MEF2A: variants seen among roughly 807,000 people sequenced by gnomAD.
MEF2A encodes myocyte enhancer factor 2A, also known as myocyte-specific enhancer factor 2A.
Under a neutral mutation model 55.8 loss-of-function variants are expected in MEF2A, and 28 were observed. That is an observed-to-expected ratio of 0.50 (90% CI 0.37 to 0.69). The LOEUF (loss-of-function observed/expected upper bound fraction) is 0.69, where lower values mean the gene tolerates loss of function less well. MEF2A is among the 30% of genes least tolerant of loss of function. The pLI, the probability that MEF2A is intolerant of heterozygous loss-of-function variation, is 0.00. For missense variants in MEF2A, 528 were observed against 626.2 expected (o/e 0.84, Z 1.67); for synonymous variants, 239 against 227.1 (o/e 1.05, Z -0.47).
intron 2 of MEF2A, among the ~76,000 whole-genome samples, chr15:99,610,322 G>A (rs1251081985): frequency 2.0e-5 from 3 of 150,744 alleles, no homozygotes; most frequent in Admixed American, 2.0e-4. Context: ...TTTATTGATT[G>A]GCAGATTTAA....
intron 4 of MEF2A, among the ~76,000 whole-genome samples, chr15:99,650,193 T>G (rs1377496554): frequency 6.6e-6 from 1 of 152,192 alleles, no homozygotes; most frequent in African/African-American, 2.4e-5. Flanking sequence ...AAAATTGGGA[T>G]GCACATTAAA....
intron 7 of MEF2A, among the ~76,000 whole-genome samples, chr15:99,680,845 C>T (rs2053108886): frequency 6.6e-6 from 1 of 152,152 alleles, no homozygotes; most frequent in Non-Finnish European, 1.5e-5. Flanking sequence ...GTTACCTCTA[C>T]AGTCATAACA....
intron 2 of MEF2A, among the ~76,000 whole-genome samples, chr15:99,611,593 C>T (rs1977313217): frequency 6.6e-6 from 1 of 152,206 alleles, no homozygotes; most frequent in Non-Finnish European, 1.5e-5. Flanking sequence ...ATGCTTCAGA[C>T]TCCTTAGAGA....
intron 1 of MEF2A, among the ~76,000 whole-genome samples, chr15:99,597,113 A>G (rs1048587731): frequency 4.6e-5 from 7 of 152,216 alleles, no homozygotes; most frequent in East Asian, 1.9e-4. Flanking sequence ...GATAACAGCA[A>G]TGTTTAGGCA....
intron 1 of MEF2A, among the ~76,000 whole-genome samples, chr15:99,580,983 T>G (rs1313732855): frequency 6.6e-6 from 1 of 152,118 alleles, no homozygotes; most frequent in Admixed American, 6.5e-5. Context: ...TGGCACTAAA[T>G]CTGTTAGGTA....
intron 10 of MEF2A, among the ~76,000 whole-genome samples, chr15:99,710,380 C>T (rs577787956): frequency 5.9e-4 from 90 of 152,234 alleles, no homozygotes; most frequent in Non-Finnish European, 1.0e-3. Context: ...GTAGCTGGGA[C>T]TACAGGCATG....
chr15:99,624,141 G>C (rs1181318533), intron 2 of MEF2A, among the ~76,000 whole-genome samples: 2 of 152,090 alleles, frequency 1.3e-5, no homozygotes, highest in Non-Finnish European at 2.9e-5. Context: ...TGGGGTTGCT[G>C]TTTTACTCTG....
Position 99,566,190 on chromosome 15 carries a change from G to A in MEF2A, c.-225+86G>A, listed in dbSNP as rs1329457238. The A allele has an allele frequency of 3.1e-5, 4 of 127,750 alleles. No individual in the cohort carries two copies. In the South Asian group the frequency reaches 1.0e-3, roughly 33 times the overall value. 7.9% of individuals were successfully genotyped at this position (127,750 alleles called of 1,614,324 possible). A position where few individuals can be genotyped will look rare whatever the true frequency, so the allele number is the denominator to read the frequency against. On this transcript the variant is annotated intron_variant, in intron 1 of 11. Coordinates refer to ENST00000557942, the MANE Select transcript of MEF2A (RefSeq NM_001319206.4). The stretch of plus-strand genomic sequence containing the variant: ...GTCTCGCTTAGGGGACCGAGTAGGG[G>A]TTGGGGTGGAGGTGCTGGGGCGGGG...
chr15:99,566,581 T>C (rs1959617321), intron 1 of MEF2A: 1 of 152,198 alleles, frequency 6.6e-6, no homozygotes, highest in Non-Finnish European at 1.5e-5. Flanking sequence ...GAAGGAGTTC[T>C]CGGGAGACCC....
chr15:99,566,064 G>C lies in MEF2A; in HGVS notation c.-265G>C, dbSNP rs1959188159. On this transcript the variant is annotated 5_prime_UTR_variant, in exon 1 of 12. Transcript: ENST00000557942. Reference sequence around the variant, plus strand: ...CGCGAAGCGCTGGTGGCGGGCCCGGGCTGCGGCGTGTGCGCGCCCGCCAGC... The same window carrying C: ...CGCGAAGCGCTGGTGGCGGGCCCGGCCTGCGGCGTGTGCGCGCCCGCCAGC... 1 of 152,296 alleles carries C rather than the reference G, an allele frequency of 6.6e-6. No homozygotes were observed. The highest frequency in any genetic ancestry group is 1.5e-5 in the Non-Finnish European group (1 of 68,242). 9.4% of individuals were successfully genotyped at this position (152,296 alleles called of 1,614,324 possible). A position where few individuals can be genotyped will look rare whatever the true frequency, so the allele number is the denominator to read the frequency against.
chr15:99,595,393 T>C (rs1394744764), intron 1 of MEF2A, among the ~76,000 whole-genome samples: 3 of 152,134 alleles, frequency 2.0e-5, no homozygotes, highest in Non-Finnish European at 4.4e-5. Context: ...ATTAAGGACT[T>C]TTCCACCAAC....
At chr15:99,691,882 T>C (rs2055544479) in intron 8 of MEF2A, among the ~76,000 whole-genome samples, 1 of 152,164 alleles carries the variant, frequency 6.6e-6, no homozygotes, top group African/African-American at 2.4e-5. Flanking sequence ...GGCTTTAGGG[T>C]TCTAGTCTCA....
chr15:99,699,246 T>C (rs912729783), intron 8 of MEF2A, among the ~76,000 whole-genome samples: 12 of 152,236 alleles, frequency 7.9e-5, no homozygotes, highest in Non-Finnish European at 1.5e-4. Context: ...TATAAAGAAA[T>C]GCTACTCAGC....
intron 5 of MEF2A, 91 bp downstream of exon 5, chr15:99,671,545 G>A: frequency 6.2e-7 from 1 of 1,613,372 alleles, no homozygotes; most frequent in Non-Finnish European, 8.5e-7. Flanking sequence ...GAACACAGAG[G>A]GTGCGACAGC....
In MEF2A at chr15:99,674,405, C is replaced by T. The variant is rs748952164; in HGVS notation, c.403C>T (p.Pro135Ser). 30 of 1,609,356 alleles carry T rather than the reference C, an allele frequency of 1.9e-5. No homozygotes were observed. In the African/African-American group the frequency reaches 2.8e-4, roughly 15 times the overall value. ...TCTTTATTTACAGCCTGGTCTGCCA[C>T]CTCAGAACTTTTCAATGTCTGTCAC... The part of the protein sequence containing the change: ...IFKRGPPGLP[P>S]QNFSMSVTVP... Residue 135 changes from proline (P) to serine (S), a missense_variant, in exon 6 of 12, where the codon CCT becomes TCT. Around this residue, in one of 2 missense-constraint regions of MEF2A, gnomAD observed 450 missense variants for 475.3 expected, o/e 0.95. Transcript: ENST00000557942.
intron 1 of MEF2A, among the ~76,000 whole-genome samples, chr15:99,596,007 C>T (rs1400612677): frequency 1.3e-5 from 2 of 152,014 alleles, no homozygotes; most frequent in East Asian, 3.9e-4. Flanking sequence ...ACTGACTCAG[C>T]ACTAACATTC....
intron 2 of MEF2A, among the ~76,000 whole-genome samples, chr15:99,624,748 T>C (rs1447579754): frequency 6.6e-6 from 1 of 152,208 alleles, no homozygotes; most frequent in African/African-American, 2.4e-5. Flanking sequence ...AGTTTGTAGA[T>C]CCCTTTGTGC....
rs532371557 is a variant in MEF2A at position 99,606,866 on chromosome 15, A to G, written c.-143+8355A>G. On this transcript the variant is annotated intron_variant, in intron 2 of 11. Transcript: ENST00000557942. The stretch of plus-strand genomic sequence containing the variant: ...AATACATGTACATGTGTGTGGAGGG[A>G]TGTGTTAAAGAACGTTGGTAGCTGT... Among the ~76,000 whole-genome samples the G allele has an allele frequency of 4.6e-5, 7 of 152,222 alleles. No individual in the cohort carries two copies. In the South Asian group the frequency reaches 1.5e-3, roughly 32 times the overall value.
At chr15:99,638,261 AT>A (rs140954713) in intron 3 of MEF2A, among the ~76,000 whole-genome samples, 22 of 150,438 alleles carry the variant, frequency 1.5e-4, no homozygotes, top group African/African-American at 3.4e-4. Context: ...CTTAAAAAAA[AT>A]TTTTTTTTTA....
Sources: allele counts gnomAD v4.1 joint callset (sites outside exome capture counted in the v4.1 genomes callset), GRCh38; gene constraint gnomAD v4.1.1; regional missense constraint gnomAD v4.1.1; transcripts MANE v1.5; gene names NCBI Gene and HGNC (gene_info 2026-07-23, HGNC 2026-07-21).